FUZ: variants seen among roughly 807,000 people sequenced by gnomAD.
FUZ encodes the protein protein fuzzy homolog.
Under a neutral mutation model 43.1 loss-of-function variants are expected in FUZ, and 31 were observed. The ratio of observed to expected loss-of-function variants is 0.72; its 90% CI spans 0.54 to 0.97. The LOEUF (loss-of-function observed/expected upper bound fraction) is 0.97, where lower values mean the gene tolerates loss of function less well. Ranked by LOEUF, FUZ falls within the 50% of genes least tolerant of loss-of-function variation. The pLI, the probability that FUZ is intolerant of heterozygous loss-of-function variation, is 0.00. For missense variants in FUZ, 539 were observed against 543.8 expected, an observed-to-expected ratio of 0.99 and a Z score of 0.09; for synonymous variants, 274 against 250.0, an observed-to-expected ratio of 1.10 and a Z score of -0.91.
intron 2 of FUZ, 96 bp downstream of exon 2, chr19:49,812,519 A>G: frequency 6.4e-7 from 1 of 1,555,244 alleles, no homozygotes; most frequent in South Asian, 1.1e-5. Flanking sequence ...AGCCAAATTA[A>G]CAGCTGCTTT....
intron 1 of FUZ, 81 bp from the exon 2 acceptor site, chr19:49,812,817 C>T: frequency 6.4e-7 from 1 of 1,567,556 alleles, no homozygotes; most frequent in Non-Finnish European, 8.7e-7. Context: ...CAGCTCCCAG[C>T]CCCATCCTCT....
rs757498142 is a variant in FUZ at position 49,809,569 on chromosome 19, G to A, written c.499C>T (p.Leu167Phe). 14 of 1,594,888 alleles carry A rather than the reference G, an allele frequency of 8.8e-6. No individual in the cohort carries two copies. Among genetic ancestry groups the A allele is most frequent in the Non-Finnish European group, 1.1e-5 (13 of 1,175,502 alleles). ...PPEGSLLQEALSGFAEAAGTT... is the reference protein window; with the variant it reads ...PPEGSLLQEAFSGFAEAAGTT... ...CCCGCGGCCTCAGCGAACCCGGAGA[G>A]GGCTTCCTGGGTACGGGAGGCAGGA... The change falls in exon 6 of 11, where the codon CTC becomes TTC. Residue 167 changes from leucine (L) to phenylalanine (F), a missense_variant. By Grantham distance (22) the Leu-to-Phe change is conservative. Coordinates refer to ENST00000313777, the MANE Select transcript of FUZ (RefSeq NM_025129.5). This position sits in a 1 kb window ranked among gnomAD's most constrained non-coding sequence, Gnocchi z 5.1.
chr19:49,812,134 G>A, intron 3 of FUZ, 117 bp downstream of exon 3: 1 of 773,386 alleles, frequency 1.3e-6, no homozygotes, highest in Non-Finnish European at 2.2e-6. Flanking sequence ...ACAAACAAAA[G>A]ATTCCTGGGT....
rs534130927 is a variant in FUZ, at chr19:49,808,839, T to C, written c.787-16A>G. On this transcript the variant is annotated splice_polypyrimidine_tract_variant and intron_variant, in intron 7 of 10. Coordinates refer to ENST00000313777, the MANE Select transcript of FUZ (RefSeq NM_025129.5). ...GCTCCAGAAGCTGCAGGGGGCGTGG[T>C]CATTGTGAGGTCGTCATGGGAAGGC... 1.4e-4 allele frequency: 220 copies of C among 1,540,200 alleles called. 1 individual carries two copies. The South Asian group carries it at 2.4e-3, about 17-fold the overall frequency.
In FUZ at chr19:49,808,456, GGAGGAGGCGCCGGCGCTGTT is replaced by G. The variant is rs1191592450; in HGVS notation, c.971_990del (p.Glu324AlafsTer25). 6.2e-7 allele frequency: 1 copy of G among 1,612,510 alleles called. No individual in the cohort carries two copies. The highest frequency in any genetic ancestry group is 8.5e-7 in the Non-Finnish European group (1 of 1,179,656). ...GAGGTGACCAGGGTATAGAAGTTTC[GGAGGAGGCGCCGGCGCTGTT>G]CTGGTGAAGGCTCTGCTGGGAGGAA... On this transcript the variant is annotated frameshift_variant, in exon 10 of 11. Transcript: ENST00000313777. LOFTEE classifies it low-confidence loss of function (END_TRUNC).
At position 49,806,967 on chromosome 19, in the gene FUZ, CCCTT is replaced by C; in HGVS notation, c.*180_*183del. The C allele has an allele frequency of 6.5e-7, 1 of 1,530,724 alleles. No homozygotes were observed. Among genetic ancestry groups the C allele is most frequent in the Non-Finnish European group, 8.7e-7 (1 of 1,145,024 alleles). The allele number at this position is 1,530,724 out of a possible 1,614,324, so 94.8% of individuals were successfully genotyped here. Reference sequence around the variant, plus strand: ...GGGGTTAGGGGGAGTCCCCCTCCCTCCCTTTCCCCCCCAAGCACAGAGGGGAGAG... The same window carrying C: ...GGGGTTAGGGGGAGTCCCCCTCCCTCTCCCCCCCAAGCACAGAGGGGAGAG... On this transcript the variant is annotated 3_prime_UTR_variant, in exon 11 of 11. Transcript: ENST00000313777.
At position 49,808,759 on chromosome 19, in the gene FUZ, C is replaced by T. The variant is rs368721486; in HGVS notation, c.851G>A (p.Arg284Gln). ...PLRACLPLGP[R>Q]ALPSGFPLHT... is the part of the protein sequence containing the mutation. ...AAGGGGGAAGCCACTGGGCAGCGCC[C>T]GGGGTCCCAACGGCAGACAGGCCCG... is the stretch of plus-strand genomic sequence containing the variant. Residue 284 changes from arginine to glutamine, a missense_variant, in exon 8 of 11, where the codon CGG becomes CAG. Physicochemically the swap from Arg to Gln is conservative, Grantham distance 43. Coordinates refer to ENST00000313777, the MANE Select transcript of FUZ (RefSeq NM_025129.5). 1.9e-6 allele frequency: 3 copies of T among 1,577,126 alleles called. No individual in the cohort carries two copies. Among genetic ancestry groups the T allele is most frequent in the South Asian group, 1.2e-5 (1 of 86,790 alleles).
chr19:49,810,115 A>C (rs894835067), intron 5 of FUZ, among the ~76,000 whole-genome samples: 1 of 152,234 alleles, frequency 6.6e-6, no homozygotes, highest in Non-Finnish European at 1.5e-5. Context: ...CAGGTGCCAC[A>C]GGCCTTCAAA....
In FUZ at chr19:49,811,536, G is replaced by T. The variant is rs767074844; in HGVS notation, c.388-69C>A. 8.0e-4 allele frequency: 1,270 copies of T among 1,579,530 alleles called. 3 individuals carry two copies. Among genetic ancestry groups the T allele is most frequent in the Non-Finnish European group, 9.6e-4 (1,108 of 1,148,614 alleles). On this transcript the variant is annotated intron_variant, in intron 4 of 10. Transcript: ENST00000313777. ...AGGGTCAGACAACCAAGAACCTGTG[G>T]GACCAGGCTGCCCCAGGGGCTGCTG...
chr19:49,808,907 G>T, intron 7 of FUZ, 84 bp from the exon 8 acceptor site: 1 of 1,117,770 alleles, frequency 8.9e-7, no homozygotes, highest in Non-Finnish European at 1.3e-6. Context: ...GGATAGGGGC[G>T]TGGTCAATCG....
chr19:49,811,835 C>A (rs985870678), intron 3 of FUZ, 136 bp from the exon 4 acceptor site: 1 of 812,812 alleles, frequency 1.2e-6, no homozygotes. Flanking sequence ...TGGCCGGGCG[C>A]GGAGGCTCAT....
rs754427912 is a variant in FUZ at position 49,807,304 on chromosome 19, C to A, written c.1104G>T (p.Val368=). 5 of 1,613,528 alleles carry A rather than the reference C, an allele frequency of 3.1e-6. No homozygotes were observed. Among genetic ancestry groups the A allele is most frequent in the Non-Finnish European group, 4.2e-6 (5 of 1,179,990 alleles). Reference sequence around the variant, plus strand: ...CTGTGCCTGGTTCCTCAGTCCCCAACACCAGGTAGCAAGCTCTGGGCAGCT... The same window carrying A: ...CTGTGCCTGGTTCCTCAGTCCCCAAAACCAGGTAGCAAGCTCTGGGCAGCT... The part of the protein sequence containing the change: ...QAQLPRACYL[V]LGTEEPGTGV... Residue 368 remains valine, a synonymous_variant, in exon 11 of 11, where the codon GTG becomes GTT. Transcript: ENST00000313777.
intron 5 of FUZ, 152 bp downstream of exon 5, chr19:49,811,211 A>C: frequency 1.4e-6 from 1 of 692,620 alleles, no homozygotes; most frequent in East Asian, 2.7e-5. Flanking sequence ...GAAAAAAAAA[A>C]AAGAAAAAAG....
At chr19:49,808,297 G>A in intron 10 of FUZ, 117 bp downstream of exon 10, 2 of 1,026,234 alleles carry the variant, frequency 1.9e-6, no homozygotes, top group Non-Finnish European at 1.5e-6. Flanking sequence ...CTGCCCTATG[G>A]CCCAGTGCAT....
chr19:49,809,586 G>A lies in FUZ; in HGVS notation c.493-11C>T. Reference sequence around the variant, plus strand: ...CCCGGAGAGGGCTTCCTGGGTACGGGAGGCAGGAGGACTGGGAGTCAGCAG... The same window carrying A: ...CCCGGAGAGGGCTTCCTGGGTACGGAAGGCAGGAGGACTGGGAGTCAGCAG... On this transcript the variant is annotated splice_polypyrimidine_tract_variant and intron_variant, in intron 5 of 10. Transcript: ENST00000313777. The surrounding 1 kb of genome is among the most constrained non-coding windows in gnomAD (Gnocchi z 5.1). The A allele has an allele frequency of 6.3e-7, 1 of 1,582,212 alleles. No individual in the cohort carries two copies. The highest frequency in any genetic ancestry group is 1.1e-5 in the South Asian group (1 of 87,596).
Position 49,812,652 on chromosome 19 carries a change from C to T in FUZ, c.196G>A (p.Glu66Lys), listed in dbSNP as rs779649422. 3.1e-6 allele frequency: 5 copies of T among 1,614,032 alleles called. No individual in the cohort carries two copies. Among genetic ancestry groups the T allele is most frequent in the Admixed American group, 3.3e-5 (2 of 59,996 alleles). The change falls in exon 2 of 11, where the codon GAG becomes AAG. Residue 66 changes from glutamate to lysine, a missense_variant. By Grantham distance (56) the Glu-to-Lys change is moderately conservative. Coordinates refer to ENST00000313777, the MANE Select transcript of FUZ (RefSeq NM_025129.5). The stretch of plus-strand genomic sequence containing the variant: ...CTTTTCCACACCACAGTCGTGTTCT[C>T]GGTCCTCGCAGAGCTCAGCTGCACC... ...LEVQLSSARTENTTVVWKSFH... is the reference protein window; with the variant it reads ...LEVQLSSARTKNTTVVWKSFH...
chr19:49,811,430 G>A lies in FUZ; in HGVS notation c.425C>T (p.Ser142Leu), dbSNP rs759319192. The A allele has an allele frequency of 4.3e-6, 7 of 1,613,796 alleles. No homozygotes were observed. In the South Asian group the frequency reaches 5.5e-5, roughly 13 times the overall value. Residue 142 changes from serine (S) to leucine (L), a missense_variant, in exon 5 of 11, where the codon TCG becomes TTG. Ser to Leu is a moderately radical substitution (Grantham distance 145). Coordinates refer to ENST00000313777, the MANE Select transcript of FUZ (RefSeq NM_025129.5). Reference sequence around the variant, plus strand: ...CTGGGTCAGGTCCCCGATGAGCTCCGAGTCCCCCAGGAAGCTGTCGATGAG... The same window carrying A: ...CTGGGTCAGGTCCCCGATGAGCTCCAAGTCCCCCAGGAAGCTGTCGATGAG... ...YCLIDSFLGD[S>L]ELIGDLTQCV...
rs1439766626 is a variant in FUZ at position 49,809,332 on chromosome 19, C to T, written c.690+46G>A. 1 of 1,546,976 alleles carries T rather than the reference C, an allele frequency of 6.5e-7. No individual in the cohort carries two copies. The highest frequency in any genetic ancestry group is 8.7e-7 in the Non-Finnish European group (1 of 1,146,626). The stretch of plus-strand genomic sequence containing the variant: ...TCGCAGATCCCGCCTCCTCGCGACT[C>T]GGCCCCCAGGTCACATCCCTCCGTC... On this transcript the variant is annotated intron_variant, in intron 6 of 10. Coordinates refer to ENST00000313777, the MANE Select transcript of FUZ (RefSeq NM_025129.5). The surrounding 1 kb of genome is among the most constrained non-coding windows in gnomAD (Gnocchi z 5.1).
rs2073522250 is a variant in FUZ, at chr19:49,808,398, T to C, written c.1033+16A>G. The stretch of plus-strand genomic sequence containing the variant: ...GTCCCCGCCTGCGCAGTGGGAGCAC[T>C]GTGCCTTCCGCTGACCTGGTGGGAA... On this transcript the variant is annotated intron_variant, in intron 10 of 10. Transcript: ENST00000313777. 1.2e-6 allele frequency: 2 copies of C among 1,609,416 alleles called. No homozygotes were observed. Among genetic ancestry groups the C allele is most frequent in the African/African-American group, 1.3e-5 (1 of 74,984 alleles).
Sources: allele counts gnomAD v4.1 joint callset (sites outside exome capture counted in the v4.1 genomes callset), GRCh38; gene constraint gnomAD v4.1.1; non-coding constraint Gnocchi (gnomAD v3.1); transcripts MANE v1.5; gene names NCBI Gene and HGNC (gene_info 2026-07-23, HGNC 2026-07-21).